The following TMEM87B variants were observed in gnomAD, a reference collection of about 807,000 sequenced individuals.
TMEM87B encodes transmembrane protein 87B.
TMEM87B carries 83 observed loss-of-function variants against 80.3 expected under a neutral mutation model. The observed-to-expected ratio is 1.03, with a 90% CI of 0.87 to 1.24. The LOEUF (loss-of-function observed/expected upper bound fraction) is 1.24, where lower values mean the gene tolerates loss of function less well. TMEM87B is among the 50% of genes most tolerant of loss of function. TMEM87B has a pLI of 0.00. For missense variants in TMEM87B, 625 were observed against 674.4 expected, an observed-to-expected ratio of 0.93 and a Z score of 0.81; for synonymous variants, 219 against 230.5, an observed-to-expected ratio of 0.95 and a Z score of 0.45.
chr2:112,080,359 A>G (rs1449073594), intron 6 of TMEM87B, among the ~76,000 whole-genome samples: 1 of 151,934 alleles, frequency 6.6e-6, no homozygotes, highest in East Asian at 1.9e-4. Context: ...TCCTGGGTTC[A>G]CGCCATTCTC....
At chr2:112,070,500 T>A (rs540693556) in intron 4 of TMEM87B, among the ~76,000 whole-genome samples, 5 of 152,326 alleles carry the variant, frequency 3.3e-5, no homozygotes, top group South Asian at 2.1e-4. Context: ...TGCTCCGATA[T>A]TTCTGGGCTC....
chr2:112,086,766 C>T (rs562680598), intron 9 of TMEM87B, among the ~76,000 whole-genome samples: 79 of 152,282 alleles, frequency 5.2e-4, no homozygotes, highest in Admixed American at 2.6e-3. Flanking sequence ...TCACAGGTGT[C>T]GTCCTCAGCA....
At chr2:112,085,346 T>A (rs11675443) in intron 8 of TMEM87B, among the ~76,000 whole-genome samples, 47,988 of 152,154 alleles carry the variant, frequency 0.32, 8,127 homozygotes, top group Middle Eastern at 0.52. Flanking sequence ...CTTTGCTTTG[T>A]CATCCCCCAC....
At chr2:112,102,128 G>A (rs1434822849) in intron 15 of TMEM87B, among the ~76,000 whole-genome samples, 3 of 152,210 alleles carry the variant, frequency 2.0e-5, no homozygotes, top group African/African-American at 4.8e-5. Context: ...TCTTTAGAAG[G>A]TAAAGGAGGT....
chr2:112,102,283 G>A (rs903467767), intron 15 of TMEM87B, among the ~76,000 whole-genome samples: 8 of 152,246 alleles, frequency 5.3e-5, no homozygotes, highest in African/African-American at 1.9e-4. Context: ...AAAAATATTA[G>A]CAAATAAAAT....
intron 4 of TMEM87B, among the ~76,000 whole-genome samples, chr2:112,074,135 G>A (rs1474281047): frequency 6.6e-6 from 1 of 152,100 alleles, no homozygotes; most frequent in African/African-American, 2.4e-5. Flanking sequence ...TGGTTATTAC[G>A]CAGACTCATC....
At chr2:112,067,492 G>A (rs1243951055) in intron 4 of TMEM87B, among the ~76,000 whole-genome samples, 1 of 152,080 alleles carries the variant, frequency 6.6e-6, no homozygotes. Context: ...CCAGCTACTC[G>A]GGTGGCTGAG....
At chr2:112,059,908 G>C in intron 1 of TMEM87B, 69 bp from the exon 2 acceptor site, 1 of 1,551,700 alleles carries the variant, frequency 6.4e-7, no homozygotes, top group Middle Eastern at 1.7e-4. Flanking sequence ...AACTCTATAT[G>C]TTGTGGGGTA....
intron 6 of TMEM87B, 123 bp downstream of exon 6, chr2:112,077,405 TAC>T (rs1678859312): frequency 2.2e-6 from 1 of 453,160 alleles, no homozygotes; most frequent in South Asian, 6.7e-5. Flanking sequence ...CTGTTAATCA[TAC>T]ATTTATTTTA....
At chr2:112,091,686 T>C (rs1478656136) in intron 10 of TMEM87B, 26 bp from the exon 11 acceptor site, 1 of 1,538,832 alleles carries the variant, frequency 6.5e-7, no homozygotes, top group Admixed American at 1.7e-5. Flanking sequence ...TACATTCAGG[T>C]TTCTTCCCTT....
intron 11 of TMEM87B, 118 bp from the exon 12 acceptor site, chr2:112,096,926 C>T (rs1351511063): frequency 1.0e-5 from 7 of 685,100 alleles, no homozygotes; most frequent in Non-Finnish European, 1.5e-5. Flanking sequence ...TTTTCATTAG[C>T]TTCAAATTTT....
rs981512799 is a variant in TMEM87B at position 112,095,091 on chromosome 2, C to A, written c.1105-1953C>A. The A allele has an allele frequency of 5.0e-6, 4 of 800,038 alleles. No homozygotes were observed. In the African/African-American group the frequency reaches 7.3e-5, roughly 15 times the overall value. 49.6% of individuals were successfully genotyped at this position (800,038 alleles called of 1,614,324 possible). A position where few individuals can be genotyped will look rare whatever the true frequency, so the allele number is the denominator to read the frequency against. The stretch of plus-strand genomic sequence containing the variant: ...AAAAATTCAAAAGCCATAGCCTTAG[C>A]CTTTCTCCTGTGGCCCTTCCTCCCC... On this transcript the variant is annotated intron_variant, in intron 11 of 18. Coordinates refer to ENST00000283206, the MANE Select transcript of TMEM87B (RefSeq NM_032824.3).
intron 4 of TMEM87B, among the ~76,000 whole-genome samples, chr2:112,072,705 C>A (rs1384758583): frequency 1.3e-5 from 2 of 151,486 alleles, no homozygotes; most frequent in Non-Finnish European, 2.9e-5. Flanking sequence ...TTAATTTTCT[C>A]AAAAAAACAG....
At chr2:112,081,578 G>A (rs1679000663) in intron 8 of TMEM87B, 60 bp downstream of exon 8, 3 of 1,466,300 alleles carry the variant, frequency 2.0e-6, no homozygotes, top group Non-Finnish European at 2.8e-6. Flanking sequence ...GTATTTATGA[G>A]CAGAGCAGTG....
intron 16 of TMEM87B, 134 bp downstream of exon 16, chr2:112,106,209 A>T (rs1462382711): frequency 2.3e-5 from 14 of 621,514 alleles, no homozygotes; most frequent in Non-Finnish European, 3.5e-5. Context: ...TTGTTATAAA[A>T]ATTAGTGTTG....
At chr2:112,060,622 C>T (rs561680431) in intron 2 of TMEM87B, among the ~76,000 whole-genome samples, 25 of 151,590 alleles carry the variant, frequency 1.6e-4, no homozygotes, top group African/African-American at 2.2e-4. Context: ...CTGCAACCTC[C>T]GCCTCTCAGG....
At position 112,064,251 on chromosome 2, in the gene TMEM87B, G is replaced by T; in HGVS notation, c.316G>T (p.Glu106Ter). Residue 106 changes from glutamate (E) to a stop codon, truncating the protein, a stop_gained and splice_region_variant, in exon 3 of 19, where the codon GAA becomes TAA. Transcript: ENST00000283206. LOFTEE classifies it high-confidence loss of function. ...HTCHNEHSNL[E>*]ELFQKHKLSV... ...CTGTCACAATGAGCATTCTAATCTGGAAGTAAGTAAAACACAAGTTTTTAA... is the reference window on the plus strand; with the variant it reads ...CTGTCACAATGAGCATTCTAATCTGTAAGTAAGTAAAACACAAGTTTTTAA... 6.2e-7 allele frequency: 1 copy of T among 1,613,116 alleles called. No individual in the cohort carries two copies. The highest frequency in any genetic ancestry group is 8.5e-7 in the Non-Finnish European group (1 of 1,179,480).
chr2:112,084,077 A>G (rs1488807463), intron 8 of TMEM87B, among the ~76,000 whole-genome samples: 1 of 152,220 alleles, frequency 6.6e-6, no homozygotes, highest in East Asian at 1.9e-4. Flanking sequence ...AACATAGGCA[A>G]TAATAGGGTA....
chr2:112,081,237 G>C (rs1447470477), intron 7 of TMEM87B, 98 bp from the exon 8 acceptor site: 53 of 1,428,536 alleles, frequency 3.7e-5, no homozygotes, highest in Non-Finnish European at 5.0e-5. Flanking sequence ...TGGTTCCAGA[G>C]TGACTGGAAA....
Sources: gnomAD v4.1 joint callset for allele counts (sites outside exome capture counted in the v4.1 genomes callset) on GRCh38, gnomAD v4.1.1 for gene constraint, MANE v1.5 for transcripts, NCBI Gene and HGNC (gene_info 2026-07-23, HGNC 2026-07-21) for gene names.